Variants in TPCN1 observed in about 807,000 individuals in gnomAD.
TPCN1 encodes two pore segment channel 1.
A neutral mutation model predicts 108.8 loss-of-function variants in TPCN1; 52 were observed. The observed-to-expected ratio is 0.48, with a 90% CI of 0.38 to 0.60. The LOEUF is 0.60. TPCN1 is among the 20% of genes least tolerant of loss of function. TPCN1 has a pLI of 0.00. For missense variants in TPCN1, 806 were observed against 1,072.8 expected (o/e 0.75, Z 3.47); for synonymous variants, 446 against 433.7 (o/e 1.03, Z -0.35).
At chr12:113,249,788 T>C (rs1468849937) in intron 2 of TPCN1, 1 of 152,314 alleles carries the variant, frequency 6.6e-6, no homozygotes, top group Non-Finnish European at 1.5e-5. Context: ...TGGCACACCA[T>C]TAATGGACTG....
At chr12:113,265,919 G>A (rs1376435832) in intron 3 of TPCN1, among the ~76,000 whole-genome samples, 1 of 152,170 alleles carries the variant, frequency 6.6e-6, no homozygotes, top group African/African-American at 2.4e-5. Context: ...ACACCTGGCT[G>A]TCTCTGGACC....
At chr12:113,225,104 G>A in intron 1 of TPCN1, 1 of 299,298 alleles carries the variant, frequency 3.3e-6, no homozygotes, top group South Asian at 2.5e-5. Context: ...GTCCAGGCTG[G>A]ACTGCAGTGG....
rs201948924 is a variant in TPCN1, at chr12:113,285,950, C to T, written c.1515C>T (p.Ser505=). The T allele has an allele frequency of 2.5e-5, 41 of 1,614,110 alleles. No homozygotes were observed. The highest frequency in any genetic ancestry group is 3.0e-5 in the Non-Finnish European group (35 of 1,179,938). The stretch of plus-strand genomic sequence containing the variant: ...TGGGCCCTGTGGAGTACTTGTCTTC[C>T]GGATGGAACTTGTGAGTGGACAGCA... ...AGLGPVEYLS[S]GWNLFDFSVT... The change falls in exon 18 of 28, where the codon TCC becomes TCT. Residue 505 remains serine (S), a synonymous_variant. Coordinates refer to ENST00000335509, the MANE Select transcript of TPCN1 (RefSeq NM_017901.6).
chr12:113,266,075 C>G lies in TPCN1; in HGVS notation c.238-105C>G, dbSNP rs1955248290. ...CATCTTCTGTCTCTGGCCTGAATCT[C>G]TCCTCGCCTGCCTGGGGCCTTCCTT... On this transcript the variant is annotated intron_variant, in intron 3 of 27. Transcript: ENST00000335509. The surrounding 1 kb of genome is among the most constrained non-coding windows in gnomAD (Gnocchi z 4.2). The G allele has an allele frequency of 7.9e-7, 1 of 1,266,642 alleles. No homozygotes were observed. The highest frequency in any genetic ancestry group is 1.1e-6 in the Non-Finnish European group (1 of 896,480). The allele number at this position is 1,266,642 out of a possible 1,614,324, so 78.5% of individuals were successfully genotyped here.
chr12:113,226,594 T>A (rs1462900486), intron 1 of TPCN1, 134 bp from the exon 2 acceptor site: 3 of 786,576 alleles, frequency 3.8e-6, no homozygotes, highest in Middle Eastern at 3.9e-4. Context: ...GTTCACCATT[T>A]TAAAGAGTAT....
chr12:113,277,787 C>G (rs1403743107), intron 12 of TPCN1, among the ~76,000 whole-genome samples: 3 of 152,138 alleles, frequency 2.0e-5, no homozygotes, highest in Non-Finnish European at 4.4e-5. Flanking sequence ...TGACCAAGCC[C>G]TGTCCACAGC....
rs533223257 is a variant in TPCN1 at position 113,268,098 on chromosome 12, C to T, written c.528+142C>T. On this transcript the variant is annotated intron_variant, in intron 5 of 27. Coordinates refer to ENST00000335509, the MANE Select transcript of TPCN1 (RefSeq NM_017901.6). The surrounding 1 kb of genome is among the most constrained non-coding windows in gnomAD (Gnocchi z 7.3). ...GTAACCCTAGGGTCCCTGTCCTGAC[C>T]GTGCCCTCAGCCTTGTGGGTGCCCT... 1.8e-4 allele frequency: 121 copies of T among 664,138 alleles called. No homozygotes were observed. Among genetic ancestry groups the T allele is most frequent in the African/African-American group, 3.0e-4 (17 of 56,242 alleles). 41.1% of individuals were successfully genotyped at this position (664,138 alleles called of 1,614,324 possible).
chr12:113,259,202 C>A (rs1032384819), intron 2 of TPCN1, among the ~76,000 whole-genome samples: 1 of 152,162 alleles, frequency 6.6e-6, no homozygotes, highest in African/African-American at 2.4e-5. Flanking sequence ...GTCTTGAACT[C>A]CTGATCTCAG....
chr12:113,236,694 G>A (rs1953910559), intron 2 of TPCN1, among the ~76,000 whole-genome samples: 1 of 152,104 alleles, frequency 6.6e-6, no homozygotes, highest in Non-Finnish European at 1.5e-5. Flanking sequence ...CATGCTGGGG[G>A]CAGATTGGAT....
intron 18 of TPCN1, among the ~76,000 whole-genome samples, 160 bp from the exon 19 acceptor site, chr12:113,286,827 C>T (rs1956099171): frequency 6.6e-6 from 1 of 152,182 alleles, no homozygotes; most frequent in Admixed American, 6.5e-5. Context: ...ACCTTGAAAC[C>T]CCAGGGTGGC....
chr12:113,296,228 A>G lies in TPCN1; in HGVS notation c.*152A>G, dbSNP rs1956426160. 1 of 1,257,378 alleles carries G rather than the reference A, an allele frequency of 8.0e-7. No individual in the cohort carries two copies. The highest frequency in any genetic ancestry group is 1.1e-6 in the Non-Finnish European group (1 of 934,838). 77.9% of individuals were successfully genotyped at this position (1,257,378 alleles called of 1,614,324 possible). ...AGACAGACAAGATGGGGCTTGGTTT[A>G]TAACCACCTTGCCCTGTCTTCCTTA... On this transcript the variant is annotated 3_prime_UTR_variant, in exon 28 of 28. Coordinates refer to ENST00000335509, the MANE Select transcript of TPCN1 (RefSeq NM_017901.6).
chr12:113,282,062 A>G (rs1955904343), intron 15 of TPCN1, among the ~76,000 whole-genome samples: 1 of 146,864 alleles, frequency 6.8e-6, no homozygotes, highest in South Asian at 2.2e-4. Flanking sequence ...CTGGGATTAC[A>G]GGTGCCCACC....
At chr12:113,254,127 TC>T (rs1954748813) in intron 2 of TPCN1, among the ~76,000 whole-genome samples, 1 of 152,228 alleles carries the variant, frequency 6.6e-6, no homozygotes, top group South Asian at 2.1e-4. Flanking sequence ...ACCAAAGCTT[TC>T]TCAATAAGAA....
At chr12:113,263,897 A>G (rs1457794705) in intron 3 of TPCN1, among the ~76,000 whole-genome samples, 1 of 152,154 alleles carries the variant, frequency 6.6e-6, no homozygotes, top group Admixed American at 6.5e-5. Flanking sequence ...TGGGGTTTTC[A>G]TCAGAATCCA....
chr12:113,240,463 G>GT (rs1259615180), intron 2 of TPCN1, among the ~76,000 whole-genome samples: 1 of 152,162 alleles, frequency 6.6e-6, no homozygotes, highest in Non-Finnish European at 1.5e-5. Context: ...AGCTGAGCTT[G>GT]TTTTTTCCTA....
At chr12:113,281,047 A>G (rs546747529) in intron 15 of TPCN1, among the ~76,000 whole-genome samples, 2 of 151,990 alleles carry the variant, frequency 1.3e-5, no homozygotes, top group South Asian at 2.1e-4. Flanking sequence ...ACACGTCTAG[A>G]TTCTCAATCC....
intron 15 of TPCN1, among the ~76,000 whole-genome samples, chr12:113,281,714 T>A (rs1162328836): frequency 1.4e-4 from 21 of 151,990 alleles, no homozygotes; most frequent in Admixed American, 1.4e-3. Flanking sequence ...AATTTTTTAA[T>A]TTTTTGTAGA....
chr12:113,277,504 A>G, intron 12 of TPCN1, 140 bp downstream of exon 12: 1 of 1,018,060 alleles, frequency 9.8e-7, no homozygotes, highest in Non-Finnish European at 1.4e-6. Flanking sequence ...TTATCCATGT[A>G]GACTTACACA....
chr12:113,265,750 G>A (rs1489261797), intron 3 of TPCN1, among the ~76,000 whole-genome samples: 3 of 151,662 alleles, frequency 2.0e-5, no homozygotes, highest in Non-Finnish European at 2.9e-5. Context: ...CTCCTGCCTT[G>A]GCCTCCCAAA....
Sources: allele counts gnomAD v4.1 joint callset (sites outside exome capture counted in the v4.1 genomes callset), GRCh38; gene constraint gnomAD v4.1.1; non-coding constraint Gnocchi (gnomAD v3.1); transcripts MANE v1.5; gene names NCBI Gene and HGNC (gene_info 2026-07-23, HGNC 2026-07-21).